Variants in TP63 observed in about 807,000 individuals in gnomAD.
TP63 encodes tumor protein 63.
In TP63, 17 loss-of-function variants were observed where a neutral mutation model predicts 82.8. That is an observed-to-expected ratio of 0.21 (90% CI 0.14 to 0.31). The LOEUF (loss-of-function observed/expected upper bound fraction) is 0.31. Among genes scored for constraint, TP63 ranks in the 10% least tolerant of loss-of-function variants. The pLI is 1.00. For missense variants in TP63, 648 were observed against 895.3 expected, an observed-to-expected ratio of 0.72 and a Z score of 3.52; for synonymous variants, 330 against 321.7, an observed-to-expected ratio of 1.03 and a Z score of -0.28.
intron 1 of TP63, among the ~76,000 whole-genome samples, chr3:189,672,379 T>C (rs1714964659): frequency 6.6e-6 from 1 of 152,040 alleles, no homozygotes; most frequent in South Asian, 2.1e-4. Flanking sequence ...GGTAGGAAGA[T>C]CACTTGAGTT....
intron 1 of TP63, among the ~76,000 whole-genome samples, chr3:189,644,693 C>T (rs542478464): frequency 1.2e-3 from 186 of 152,154 alleles, no homozygotes; most frequent in African/African-American, 4.4e-3. Context: ...ACCACTCTTC[C>T]CCTTGAGTGT....
chr3:189,659,594 G>A (rs1388046268), intron 1 of TP63, among the ~76,000 whole-genome samples: 1 of 152,034 alleles, frequency 6.6e-6, no homozygotes, highest in Non-Finnish European at 1.5e-5. Context: ...GAATTGCTGG[G>A]TCGAATGGTA....
At chr3:189,679,033 C>T (rs1318232555) in intron 1 of TP63, among the ~76,000 whole-genome samples, 1 of 151,922 alleles carries the variant, frequency 6.6e-6, no homozygotes. Flanking sequence ...TTAATTCATT[C>T]ATGTTTAGAT....
In TP63 at chr3:189,737,775, A is replaced by C. The variant is rs752713164; in HGVS notation, c.98A>C (p.Glu33Ala). The change falls in exon 2 of 14, where the codon GAA (glutamate) becomes GCA (alanine). Residue 33 changes from glutamate (E) to alanine (A), a missense_variant. Physicochemically the swap from Glu to Ala is moderately radical, Grantham distance 107. Coordinates refer to ENST00000264731, the MANE Select transcript of TP63 (RefSeq NM_003722.5). ...ACCCCAGCTCATTTCTCTTGGAAAG[A>C]AAGTTATTACCGATCCACCATGTCC... ...VETPAHFSWK[E>A]SYYRSTMSQS... 3 of 1,613,902 alleles carry C rather than the reference A, an allele frequency of 1.9e-6. No homozygotes were observed. Among genetic ancestry groups the C allele is most frequent in the African/African-American group, 1.3e-5 (1 of 74,936 alleles).
the TP63 span, among the ~76,000 whole-genome samples, chr3:189,624,455 G>A: frequency 6.6e-6 from 1 of 152,068 alleles, no homozygotes; most frequent in Non-Finnish European, 1.5e-5. Flanking sequence ...CCTTTAAGAA[G>A]TTTATACTCA....
upstream of TP63, among the ~76,000 whole-genome samples, chr3:189,627,827 T>C (rs1233197034): frequency 6.6e-6 from 1 of 152,160 alleles, no homozygotes; most frequent in Non-Finnish European, 1.5e-5. Context: ...CGGTGTCTAA[T>C]GTGTCACCTC....
intron 1 of TP63, among the ~76,000 whole-genome samples, chr3:189,693,680 A>G (rs562315831): frequency 6.6e-6 from 1 of 152,210 alleles, no homozygotes; most frequent in South Asian, 2.1e-4. Context: ...ATTTGAATAT[A>G]TACGGCTATA....
At chr3:189,601,266 C>G in the TP63 span, among the ~76,000 whole-genome samples, 1 of 152,076 alleles carries the variant, frequency 6.6e-6, no homozygotes, top group Non-Finnish European at 1.5e-5. Context: ...TAAATTGTTT[C>G]CCTTTTAACA....
chr3:189,667,910 CCA>C (rs1397590337), intron 1 of TP63, among the ~76,000 whole-genome samples: 2 of 152,114 alleles, frequency 1.3e-5, no homozygotes, highest in Non-Finnish European at 1.5e-5. Context: ...ATAGGTGTGG[CCA>C]TGTTCCACTA....
chr3:189,614,277 C>G, the TP63 span, among the ~76,000 whole-genome samples: 46 of 152,134 alleles, frequency 3.0e-4, no homozygotes, highest in Non-Finnish European at 5.6e-4. Flanking sequence ...CTCACGAGAT[C>G]TGATGGATTT....
At chr3:189,716,727 G>T (rs1417999182) in intron 1 of TP63, among the ~76,000 whole-genome samples, 1 of 151,764 alleles carries the variant, frequency 6.6e-6, no homozygotes, top group African/African-American at 2.4e-5. Context: ...TATCTTATCT[G>T]AAATTTTTTC....
chr3:189,810,039 C>G (rs1321700893), intron 4 of TP63, among the ~76,000 whole-genome samples: 1 of 152,120 alleles, frequency 6.6e-6, no homozygotes, highest in East Asian at 1.9e-4. Flanking sequence ...GTTCTTTCCT[C>G]TTGTGGTTTG....
In TP63 at chr3:189,856,443, AC is replaced by A. The variant is rs199643602; in HGVS notation, c.580-7788del. On this transcript the variant is annotated intron_variant, in intron 4 of 13. Coordinates refer to ENST00000264731, the MANE Select transcript of TP63 (RefSeq NM_003722.5). ...AATTAAATGTTTATATTAGAAAAAA[AC>A]GTGAAAGTCTAAAATGAATGATATA... Among the ~76,000 whole-genome samples, 1,444 of 152,040 alleles carry A rather than the reference AC, an allele frequency of 9.5e-3. 9 individuals are homozygous for A. The highest frequency in any genetic ancestry group is 0.014 in the Non-Finnish European group (979 of 67,866).
chr3:189,787,261 A>C (rs781644460), intron 3 of TP63, among the ~76,000 whole-genome samples: 1 of 152,136 alleles, frequency 6.6e-6, no homozygotes, highest in Non-Finnish European at 1.5e-5. Context: ...GAGTAAAATC[A>C]GAGGAATATC....
chr3:189,690,137 C>A (rs1387097508), intron 1 of TP63, among the ~76,000 whole-genome samples: 1 of 152,044 alleles, frequency 6.6e-6, no homozygotes, highest in African/African-American at 2.4e-5. Flanking sequence ...ATCGCTTTTT[C>A]TTTTCAGACT....
At chr3:189,695,471 C>A (rs1717305536) in intron 1 of TP63, among the ~76,000 whole-genome samples, 1 of 152,104 alleles carries the variant, frequency 6.6e-6, no homozygotes, top group African/African-American at 2.4e-5. Context: ...TCTCTGGTTT[C>A]TTTTACTGGA....
At chr3:189,719,390 ACT>A (rs1719205130) in intron 1 of TP63, among the ~76,000 whole-genome samples, 1 of 151,908 alleles carries the variant, frequency 6.6e-6, no homozygotes, top group African/African-American at 2.4e-5. Context: ...GCCCATATTC[ACT>A]CTTTCATATC....
chr3:189,814,146 A>G (rs1199489965), intron 4 of TP63, among the ~76,000 whole-genome samples: 1 of 152,220 alleles, frequency 6.6e-6, no homozygotes, highest in South Asian at 2.1e-4. Context: ...CCTCCCTGTC[A>G]TCAGGTTACC....
chr3:189,740,127 CT>C (rs755339515), intron 3 of TP63, among the ~76,000 whole-genome samples: 3 of 152,164 alleles, frequency 2.0e-5, no homozygotes, highest in Non-Finnish European at 4.4e-5. Context: ...GAAAAATACA[CT>C]TTTTCATTGA....
Sources: gnomAD v4.1 joint callset for allele counts (sites outside exome capture counted in the v4.1 genomes callset) on GRCh38, gnomAD v4.1.1 for gene constraint, MANE v1.5 for transcripts, NCBI Gene and HGNC (gene_info 2026-07-23, HGNC 2026-07-21) for gene names.